Variants in ADCY1 observed in about 807,000 individuals in gnomAD.
ADCY1 encodes adenylate cyclase 1.
A neutral mutation model predicts 105.4 loss-of-function variants in ADCY1; 28 were observed. The observed-to-expected ratio is 0.27, with a 90% confidence interval of 0.20 to 0.36. The LOEUF (loss-of-function observed/expected upper bound fraction) is 0.36. Ranked by LOEUF, ADCY1 falls within the 10% of genes least tolerant of loss-of-function variation. The pLI, the probability that ADCY1 is intolerant of heterozygous loss-of-function variation, is 1.00. For missense variants in ADCY1, 977 were observed against 1,434.2 expected, an observed-to-expected ratio of 0.68 and a Z score of 5.15; for synonymous variants, 655 against 623.8, an observed-to-expected ratio of 1.05 and a Z score of -0.75.
chr7:45,604,663 TC>T (rs1258418440), intron 2 of ADCY1, among the ~76,000 whole-genome samples: 1 of 152,180 alleles, frequency 6.6e-6, no homozygotes, highest in Non-Finnish European at 1.5e-5. Flanking sequence ...GATTCTAGAT[TC>T]TGTTTTATTG....
At position 45,591,973 on chromosome 7, in the gene ADCY1, G is replaced by C. The variant is rs1792930096; in HGVS notation, c.640-786G>C. Among the ~76,000 whole-genome samples the C allele has an allele frequency of 6.6e-6, 1 of 152,270 alleles. No individual in the cohort carries two copies. Among genetic ancestry groups the C allele is most frequent in the East Asian group, 1.9e-4 (1 of 5,186 alleles). ...GACTAAGGGAGAGTGCAGAGACCGG[G>C]CTCTGGACACTGCGTTTCCCCATCT... is the stretch of plus-strand genomic sequence containing the variant. On this transcript the variant is annotated intron_variant, in intron 1 of 19. Transcript: ENST00000297323. This position sits in a 1 kb window ranked among gnomAD's most constrained non-coding sequence, Gnocchi z 4.1.
chr7:45,596,761 A>C (rs1020600329), intron 2 of ADCY1, among the ~76,000 whole-genome samples: 1 of 152,172 alleles, frequency 6.6e-6, no homozygotes, highest in African/African-American at 2.4e-5. Flanking sequence ...CCTCAGCTGG[A>C]AGGAGATGGC....
intron 2 of ADCY1, among the ~76,000 whole-genome samples, chr7:45,607,613 T>G (rs758434915): frequency 7.9e-5 from 12 of 152,156 alleles, no homozygotes; most frequent in Non-Finnish European, 1.5e-4. Flanking sequence ...TCTCTCCTCC[T>G]TTTTGGAGTC....
At chr7:45,598,774 C>T (rs1167700327) in intron 2 of ADCY1, among the ~76,000 whole-genome samples, 4 of 152,210 alleles carry the variant, frequency 2.6e-5, no homozygotes, top group South Asian at 4.1e-4. Context: ...TCAAGGAAAA[C>T]GCGATTGCAA....
chr7:45,644,459 A>T (rs1013575031), intron 4 of ADCY1, among the ~76,000 whole-genome samples: 3 of 152,196 alleles, frequency 2.0e-5, no homozygotes, highest in Admixed American at 1.3e-4. Flanking sequence ...GACTGTCTGC[A>T]AGCTGGCCGC....
chr7:45,665,495 A>G (rs1047249331), intron 8 of ADCY1, among the ~76,000 whole-genome samples: 13 of 152,318 alleles, frequency 8.5e-5, no homozygotes, highest in East Asian at 7.7e-4. Context: ...AAGCCTCCCA[A>G]TTCAGTCTCT....
At chr7:45,619,540 A>G (rs2115911857) in intron 3 of ADCY1, among the ~76,000 whole-genome samples, 1 of 152,274 alleles carries the variant, frequency 6.6e-6, no homozygotes, top group East Asian at 1.9e-4. Context: ...ATATTTATAC[A>G]ACATACACAC....
intron 7 of ADCY1, 116 bp from the exon 8 acceptor site, chr7:45,661,943 C>A: frequency 7.8e-7 from 1 of 1,289,128 alleles, no homozygotes; most frequent in African/African-American, 1.5e-5. Flanking sequence ...AGGCGCTGAG[C>A]AAATGAATCC....
At position 45,664,196 on chromosome 7, in the gene ADCY1, C is replaced by T. The variant is rs551778182; in HGVS notation, c.1605+1982C>T. On this transcript the variant is annotated intron_variant, in intron 8 of 19. Coordinates refer to ENST00000297323, the MANE Select transcript of ADCY1 (RefSeq NM_021116.4). Reference sequence around the variant, plus strand: ...AACTGGATTTTACAAGGAAGTGCACCGTTGGGCCTAGGAGAAGTTTCAGAG... The same window carrying T: ...AACTGGATTTTACAAGGAAGTGCACTGTTGGGCCTAGGAGAAGTTTCAGAG... 9.5e-6 allele frequency: 11 copies of T among 1,156,958 alleles called. No homozygotes were observed. In the South Asian group the frequency reaches 1.1e-4, roughly 11 times the overall value. The allele number at this position is 1,156,958 out of a possible 1,614,324, so 71.7% of individuals were successfully genotyped here.
chr7:45,684,732 A>T (rs971726105), intron 11 of ADCY1: 22 of 352,008 alleles, frequency 6.2e-5, no homozygotes, highest in African/African-American at 3.9e-4. Flanking sequence ...ATGCAAGTGG[A>T]AGGAAGGGAA....
In ADCY1 at chr7:45,610,391, A is replaced by T. The variant is rs370513363; in HGVS notation, c.802A>T (p.Met268Leu). 1.2e-6 allele frequency: 2 copies of T among 1,613,632 alleles called. No homozygotes were observed. Among genetic ancestry groups the T allele is most frequent in the African/African-American group, 2.7e-5 (2 of 74,914 alleles). ...CTCTTCTGTCCAGGAGCGGCTCCTC[A>T]TGAGCCTCCTGCCCCGGAACGTTGC... The part of the protein sequence containing the change: ...DENEKQERLL[M>L]SLLPRNVAME... Residue 268 changes from methionine to leucine, a missense_variant, in exon 3 of 20, where the codon ATG becomes TTG. Physicochemically the swap from Met to Leu is conservative, Grantham distance 15. Transcript: ENST00000297323.
At chr7:45,702,060 C>G (rs1007952354) in intron 14 of ADCY1, among the ~76,000 whole-genome samples, 6 of 152,240 alleles carry the variant, frequency 3.9e-5, no homozygotes, top group African/African-American at 1.4e-4. Flanking sequence ...CACACACACC[C>G]CCATCCTCGT....
At chr7:45,676,429 T>C (rs985262887) in intron 8 of ADCY1, among the ~76,000 whole-genome samples, 2 of 152,218 alleles carry the variant, frequency 1.3e-5, no homozygotes, top group Non-Finnish European at 2.9e-5. Flanking sequence ...GTTTCTTTTT[T>C]TTTATGTCCT....
Position 45,575,848 on chromosome 7 carries a change from CT to C in ADCY1, c.639+668del, listed in dbSNP as rs1290900186. Among the ~76,000 whole-genome samples the C allele has an allele frequency of 6.6e-6, 1 of 152,256 alleles. No homozygotes were observed. Among genetic ancestry groups the C allele is most frequent in the Non-Finnish European group, 1.5e-5 (1 of 68,042 alleles). On this transcript the variant is annotated intron_variant, in intron 1 of 19. Transcript: ENST00000297323. This position sits in a 1 kb window ranked among gnomAD's most constrained non-coding sequence, Gnocchi z 4.7. ...TTCTGCGCCCGAACTTTGTCACTGT[CT>C]TCCCAGTCGGGCGGGCGAGATGGTT...
At chr7:45,666,594 G>A (rs1025786674) in intron 8 of ADCY1, among the ~76,000 whole-genome samples, 2 of 152,212 alleles carry the variant, frequency 1.3e-5, no homozygotes, top group Non-Finnish European at 1.5e-5. Flanking sequence ...ACATACGTGT[G>A]CATTTGTCTT....
intron 1 of ADCY1, among the ~76,000 whole-genome samples, chr7:45,583,220 T>C (rs1185422550): frequency 6.6e-6 from 1 of 152,262 alleles, no homozygotes; most frequent in Non-Finnish European, 1.5e-5. Context: ...CATGTGTGCA[T>C]GCATGTGTGT....
At chr7:45,700,098 A>T (rs2116250152) in intron 14 of ADCY1, among the ~76,000 whole-genome samples, 1 of 152,242 alleles carries the variant, frequency 6.6e-6, no homozygotes, top group South Asian at 2.1e-4. Context: ...ACTGGCATCC[A>T]TTCCGGGGAG....
At chr7:45,610,670 G>A (rs2115862358) in intron 3 of ADCY1, among the ~76,000 whole-genome samples, 173 bp downstream of exon 3, 2 of 143,908 alleles carry the variant, frequency 1.4e-5, no homozygotes, top group East Asian at 4.1e-4. Flanking sequence ...GAAGTGAGAA[G>A]GTGATAGGTG....
At chr7:45,709,636 G>C (rs1785186459) in intron 18 of ADCY1, among the ~76,000 whole-genome samples, 1 of 152,214 alleles carries the variant, frequency 6.6e-6, no homozygotes, top group Admixed American at 6.5e-5. Flanking sequence ...TGCCCAGGAT[G>C]TCAGAGGAAT....
Sources: gnomAD v4.1 joint callset for allele counts (sites outside exome capture counted in the v4.1 genomes callset) on GRCh38, gnomAD v4.1.1 for gene constraint, Gnocchi (gnomAD v3.1) non-coding constraint, MANE v1.5 for transcripts, NCBI Gene and HGNC (gene_info 2026-07-23, HGNC 2026-07-21) for gene names.